SNX29: variants seen among roughly 807,000 people sequenced by gnomAD.
SNX29 encodes the protein sorting nexin-29.
A neutral mutation model predicts 102.1 loss-of-function variants in SNX29; 78 were observed. The observed-to-expected ratio is 0.76, with a 90% CI of 0.64 to 0.92. The LOEUF (loss-of-function observed/expected upper bound fraction) is 0.92, where lower values mean the gene tolerates loss of function less well. Among genes scored for constraint, SNX29 ranks in the 40% least tolerant of loss-of-function variants. The pLI, the probability that SNX29 is intolerant of heterozygous loss-of-function variation, is 0.00. For synonymous variants in SNX29, 580 were observed against 414.5 expected (o/e 1.40, Z -4.85); for missense variants, 1,280 against 1,061.7 (o/e 1.21, Z -2.86).
intron 16 of SNX29, among the ~76,000 whole-genome samples, chr16:12,362,616 C>T (rs1034144223): frequency 7.6e-6 from 1 of 131,010 alleles, no homozygotes; most frequent in Non-Finnish European, 1.6e-5. Flanking sequence ...GGACCTCCTG[C>T]CCTGTGCTGC....
At chr16:12,224,115 T>C (rs558878876) in intron 14 of SNX29, among the ~76,000 whole-genome samples, 1 of 152,230 alleles carries the variant, frequency 6.6e-6, no homozygotes, top group East Asian at 1.9e-4. Flanking sequence ...TGGAACTCTT[T>C]TTCCTTTTGT....
intron 5 of SNX29, 108 bp downstream of exon 5, chr16:12,043,185 A>G (rs879356170): frequency 5.0e-6 from 7 of 1,410,300 alleles, no homozygotes; most frequent in Non-Finnish European, 5.8e-6. Context: ...ATCTGGGGGA[A>G]GTGGGCCTCC....
At chr16:12,512,227 G>A (rs1042407262) in intron 19 of SNX29, among the ~76,000 whole-genome samples, 4 of 150,988 alleles carry the variant, frequency 2.6e-5, no homozygotes, top group East Asian at 1.9e-4. Flanking sequence ...GTGTGAAAGT[G>A]CCCAGGGAGT....
intron 20 of SNX29, among the ~76,000 whole-genome samples, chr16:12,552,197 G>A (rs1290730212): frequency 1.3e-5 from 2 of 152,192 alleles, no homozygotes; most frequent in South Asian, 2.1e-4. Context: ...CGGCAGATAA[G>A]GCAGGGGAGG....
At position 12,532,869 on chromosome 16, in the gene SNX29, G is replaced by A. The variant is rs537383605; in HGVS notation, c.2318+8028G>A. On this transcript the variant is annotated intron_variant, in intron 20 of 20. Transcript: ENST00000566228. ...GTCTCCCAGAGAAGCCTTCCCCTGC[G>A]TGAGAGAGCTGCAGAATCAACACCT... is the stretch of plus-strand genomic sequence containing the variant. 1.9e-3 allele frequency among the ~76,000 whole-genome samples: 285 copies of A among 152,324 alleles called. 1 individual carries two copies. The highest frequency in any genetic ancestry group is 6.6e-3 in the African/African-American group (275 of 41,574).
At chr16:12,114,554 T>C (rs1254948737) in intron 11 of SNX29, among the ~76,000 whole-genome samples, 2 of 152,036 alleles carry the variant, frequency 1.3e-5, no homozygotes, top group Non-Finnish European at 2.9e-5. Context: ...TCAGTCCCGG[T>C]TCTGTATCGT....
rs1325768624 is a variant in SNX29, at chr16:12,048,596, G to T, written c.724G>T (p.Val242Phe). The T allele has an allele frequency of 6.2e-7, 1 of 1,613,860 alleles. No individual in the cohort carries two copies. The highest frequency in any genetic ancestry group is 1.3e-5 in the African/African-American group (1 of 74,902). Residue 242 changes from valine to phenylalanine, a missense_variant, in exon 7 of 21, where the codon GTC becomes TTC. Transcript: ENST00000566228. ...KPEQETDPLP[V>F]VSRNVSADAK... Reference sequence around the variant, plus strand: ...TGAACAGGAGACCGACCCCTTGCCTGTCGTGTCCAGGAATGTCAGTGCTGG... The same window carrying T: ...TGAACAGGAGACCGACCCCTTGCCTTTCGTGTCCAGGAATGTCAGTGCTGG...
At chr16:12,565,193 T>C (rs1252108406) in intron 20 of SNX29, among the ~76,000 whole-genome samples, 1 of 152,230 alleles carries the variant, frequency 6.6e-6, no homozygotes, top group East Asian at 1.9e-4. Flanking sequence ...CACCTTCAGA[T>C]TCTGCTATTC....
At chr16:12,378,247 G>A (rs908281214) in intron 16 of SNX29, among the ~76,000 whole-genome samples, 7 of 152,150 alleles carry the variant, frequency 4.6e-5, no homozygotes, top group Non-Finnish European at 2.9e-5. Context: ...GTTTCCACTC[G>A]TGGCAGCAGA....
In SNX29 at chr16:12,544,448, C is replaced by G. The variant is rs76135346; in HGVS notation, c.2318+19607C>G. On this transcript the variant is annotated intron_variant, in intron 20 of 20. Coordinates refer to ENST00000566228, the MANE Select transcript of SNX29 (RefSeq NM_032167.5). Reference sequence around the variant, plus strand: ...GGATTTGGACGTTTCTCTTTCTCTACCCTATCTCATTCTGAAGAGGCCGAT... The same window carrying G: ...GGATTTGGACGTTTCTCTTTCTCTAGCCTATCTCATTCTGAAGAGGCCGAT... Among the ~76,000 whole-genome samples, 1,241 of 152,266 alleles carry G rather than the reference C, an allele frequency of 8.2e-3. 7 individuals carry two copies. Among genetic ancestry groups the G allele is most frequent in the Non-Finnish European group, 0.013 (918 of 68,038 alleles).
rs141605163 is a variant in SNX29 at position 12,560,415 on chromosome 16, C to G, written c.2319-8091C>G. On this transcript the variant is annotated intron_variant, in intron 20 of 20. Coordinates refer to ENST00000566228, the MANE Select transcript of SNX29 (RefSeq NM_032167.5). ...CTTTAATCCCCAAAAGCCACAGTGT[C>G]TGTCCTGTAGGCATCCATGTCCCCA... Among the ~76,000 whole-genome samples, 538 of 152,286 alleles carry G rather than the reference C, an allele frequency of 3.5e-3. 2 individuals carry two copies. The highest frequency in any genetic ancestry group is 0.012 in the African/African-American group (507 of 41,540).
At chr16:12,143,929 C>G (rs1171541180) in intron 13 of SNX29, among the ~76,000 whole-genome samples, 1 of 152,224 alleles carries the variant, frequency 6.6e-6, no homozygotes, top group East Asian at 1.9e-4. Flanking sequence ...GGCCCAGACT[C>G]TCAGGTAATT....
At chr16:12,311,523 G>A (rs7201927) in intron 15 of SNX29, among the ~76,000 whole-genome samples, 36 of 152,372 alleles carry the variant, frequency 2.4e-4, no homozygotes, top group Non-Finnish European at 4.7e-4. Flanking sequence ...GATGCAGGGC[G>A]GTTGAGCTTG....
chr16:12,082,540 GTTTTTC>G (rs111761388), intron 11 of SNX29, among the ~76,000 whole-genome samples: 33,097 of 151,928 alleles, frequency 0.22, 4,031 homozygotes, highest in African/African-American at 0.34. Flanking sequence ...GGCGTAGATT[GTTTTTC>G]TTGTTTTGAC....
At chr16:12,088,117 A>C (rs944676381) in intron 11 of SNX29, 4 of 456,568 alleles carry the variant, frequency 8.8e-6, no homozygotes, top group African/African-American at 8.0e-5. Context: ...TGGGTGTCTG[A>C]GGCTGCAGGG....
chr16:12,292,610 C>T (rs958205435), intron 15 of SNX29, among the ~76,000 whole-genome samples: 2 of 152,188 alleles, frequency 1.3e-5, no homozygotes, highest in Admixed American at 1.3e-4. Context: ...AGGGGCACTG[C>T]CAGAAGACTT....
chr16:12,115,869 G>A (rs2053678190), intron 11 of SNX29, among the ~76,000 whole-genome samples: 1 of 152,180 alleles, frequency 6.6e-6, no homozygotes, highest in Non-Finnish European at 1.5e-5. Flanking sequence ...GTAATTGATG[G>A]ATAAGCCCTC....
chr16:12,503,404 A>G (rs1433777442), intron 19 of SNX29, among the ~76,000 whole-genome samples: 1 of 152,152 alleles, frequency 6.6e-6, no homozygotes, highest in African/African-American at 2.4e-5. Context: ...GGCTTTGCAG[A>G]TAAGCCCGTG....
chr16:12,438,791 G>C (rs144479950), intron 18 of SNX29, among the ~76,000 whole-genome samples: 10 of 152,364 alleles, frequency 6.6e-5, no homozygotes, highest in African/African-American at 2.2e-4. Context: ...CTGAGTTGGA[G>C]CTAACCAGGT....
Sources: gnomAD v4.1 joint callset for allele counts (sites outside exome capture counted in the v4.1 genomes callset) on GRCh38, gnomAD v4.1.1 for gene constraint, MANE v1.5 for transcripts, NCBI Gene and HGNC (gene_info 2026-07-23, HGNC 2026-07-21) for gene names.